The following CCDC9 variants were observed in gnomAD, a reference collection of about 807,000 sequenced individuals.
The protein encoded by CCDC9 is coiled-coil domain-containing protein 9.
A neutral mutation model predicts 65.6 loss-of-function variants in CCDC9; 52 were observed. That is an observed-to-expected ratio of 0.79 (90% CI 0.63 to 1.00). The LOEUF is 1.00. Among genes scored for constraint, CCDC9 ranks in the 50% least tolerant of loss-of-function variants. The pLI is 0.00. For synonymous variants in CCDC9, 332 were observed against 280.3 expected, an observed-to-expected ratio of 1.18 and a Z score of -1.84; for missense variants, 834 against 757.2, an observed-to-expected ratio of 1.10 and a Z score of -1.19.
Position 47,271,473 on chromosome 19 carries a change from A to C in CCDC9, c.1391A>C (p.Glu464Ala). The change falls in exon 12 of 12, where the codon GAG becomes GCG. Residue 464 changes from glutamate to alanine, a missense_variant. Physicochemically the swap from Glu to Ala is moderately radical, Grantham distance 107. Transcript: ENST00000221922. ...GCCCCCACCGGGATCCCCTGCAGTG[A>C]GCAGGCCCACGGAGTCCCCTTCAGT... ...EAAPTGIPCS[E>A]QAHGVPFSPE... The C allele has an allele frequency of 6.2e-7, 1 of 1,613,264 alleles. No individual in the cohort carries two copies. Among genetic ancestry groups the C allele is most frequent in the Non-Finnish European group, 8.5e-7 (1 of 1,179,782 alleles).
At position 47,264,893 on chromosome 19, in the gene CCDC9, TG is replaced by T; in HGVS notation, c.674del (p.Gly225AlafsTer28). The part of the protein sequence containing the change: ...REESRRHGRN[W>X]GGPDFERVRC... The stretch of plus-strand genomic sequence containing the variant: ...GGAGAGCCGCCGGCACGGCCGCAAC[TG>T]GGGGGGCCCCGACTTCGAGCGGGTG... On this transcript the variant is annotated frameshift_variant, in exon 7 of 12. Transcript: ENST00000221922. LOFTEE classifies it high-confidence loss of function. The T allele has an allele frequency of 7.5e-6, 11 of 1,472,248 alleles. No individual in the cohort carries two copies. The highest frequency in any genetic ancestry group is 1.4e-5 in the South Asian group (1 of 70,728). 91.2% of individuals were successfully genotyped at this position (1,472,248 alleles called of 1,614,324 possible).
chr19:47,264,889 C>G lies in CCDC9; in HGVS notation c.663C>G (p.Arg221=). Residue 221 remains arginine (R), a synonymous_variant, in exon 7 of 12, where the codon CGC becomes CGG. Coordinates refer to ENST00000221922, the MANE Select transcript of CCDC9 (RefSeq NM_015603.3). The part of the protein sequence containing the change: ...DRREESRRHG[R]NWGGPDFERV... ...GGGAGGAGAGCCGCCGGCACGGCCG[C>G]AACTGGGGGGGCCCCGACTTCGAGC... is the stretch of plus-strand genomic sequence containing the variant. 1 of 1,474,392 alleles carries G rather than the reference C, an allele frequency of 6.8e-7. No homozygotes were observed. The highest frequency in any genetic ancestry group is 9.0e-7 in the Non-Finnish European group (1 of 1,114,856). The allele number at this position is 1,474,392 out of a possible 1,614,324, so 91.3% of individuals were successfully genotyped here. A position where few individuals can be genotyped will look rare whatever the true frequency, so the allele number is the denominator to read the frequency against.
At position 47,271,737 on chromosome 19, in the gene CCDC9, GCGCGCGC is replaced by G. The variant is rs2059124488; in HGVS notation, c.*60_*66del. 68 of 216,994 alleles carry G rather than the reference GCGCGCGC, an allele frequency of 3.1e-4. No homozygotes were observed. In the South Asian group the frequency reaches 0.011, roughly 35 times the overall value. 13.4% of individuals were successfully genotyped at this position (216,994 alleles called of 1,614,324 possible). On this transcript the variant is annotated 3_prime_UTR_variant, in exon 12 of 12. Transcript: ENST00000221922. ...TGTGTGTGTGTGTGTGTGTGTGCGC[GCGCGCGC>G]GCGCGCGCGCGCGCGCTAGAGGGGT...
At chr19:47,275,265 C>CGCT, downstream of CCDC9, 1 of 1,542,564 alleles carries the variant, frequency 6.5e-7, no homozygotes, top group Non-Finnish European at 8.7e-7. Context: ...CCGCCGCCGC[C>CGCT]GCTACAGCGA....
chr19:47,273,821 C>T (rs1056689020), downstream of CCDC9: 14 of 287,178 alleles, frequency 4.9e-5, no homozygotes, highest in Non-Finnish European at 7.3e-5. Context: ...GTATTAAACG[C>T]AGTGCTTCCG....
chr19:47,271,755 G>GCA lies in CCDC9; in HGVS notation c.*78_*79insAC, dbSNP rs2059125191. Reference sequence around the variant, plus strand: ...TGTGCGCGCGCGCGCGCGCGCGCGCGCGCGCTAGAGGGGTGTGGCTGGTGG... The same window carrying GCA: ...TGTGCGCGCGCGCGCGCGCGCGCGCGCACGCGCTAGAGGGGTGTGGCTGGTGG... On this transcript the variant is annotated 3_prime_UTR_variant, in exon 12 of 12. Coordinates refer to ENST00000221922, the MANE Select transcript of CCDC9 (RefSeq NM_015603.3). The GCA allele has an allele frequency of 1.5e-6, 2 of 1,363,310 alleles. No individual in the cohort carries two copies. Among genetic ancestry groups the GCA allele is most frequent in the Non-Finnish European group, 1.9e-6 (2 of 1,036,948 alleles). The allele number at this position is 1,363,310 out of a possible 1,614,324, so 84.5% of individuals were successfully genotyped here.
intron 3 of CCDC9, 94 bp from the exon 4 acceptor site, chr19:47,260,227 G>T (rs1848644680): frequency 2.3e-6 from 2 of 866,950 alleles, no homozygotes; most frequent in Non-Finnish European, 3.7e-6. Flanking sequence ...AGAGGCCTGG[G>T]CTGGGGCCAG....
chr19:47,270,135 A>C (rs1464916289), intron 8 of CCDC9, among the ~76,000 whole-genome samples: 1 of 151,722 alleles, frequency 6.6e-6, no homozygotes, highest in East Asian at 1.9e-4. Context: ...CGCCCAGCTA[A>C]TTTTTGTATT....
downstream of CCDC9, chr19:47,275,194 C>A: frequency 6.7e-7 from 1 of 1,501,204 alleles, no homozygotes. Flanking sequence ...GCCGCTGCCT[C>A]CCTCTCCTGC....
chr19:47,270,526 C>T, intron 9 of CCDC9, 27 bp from the exon 10 acceptor site: 2 of 1,614,170 alleles, frequency 1.2e-6, no homozygotes, highest in Non-Finnish European at 1.7e-6. Context: ...ACCTTCCCTT[C>T]CCAATGACAC....
rs1034930202 is a variant in CCDC9, at chr19:47,260,601, G to T, written c.224G>T (p.Gly75Val). ...CCCCTCTTCCAGGAGAAGAACCTGG[G>T]TCCTTCCCGGAGGTCTCCTGGGACC... ...NVAVESEKNLGPSRRSPGTPR... is the reference protein window; with the variant it reads ...NVAVESEKNLVPSRRSPGTPR... Residue 75 changes from glycine to valine, a missense_variant, in exon 5 of 12, where the codon GGT becomes GTT. Transcript: ENST00000221922. The T allele has an allele frequency of 6.5e-7, 1 of 1,528,488 alleles. No homozygotes were observed. 94.7% of individuals were successfully genotyped at this position (1,528,488 alleles called of 1,614,324 possible).
chr19:47,265,075 T>TC, intron 7 of CCDC9, 129 bp downstream of exon 7: 1 of 725,650 alleles, frequency 1.4e-6, no homozygotes, highest in Non-Finnish European at 1.9e-6. Context: ...TTTTTTTTTT[T>TC]GAGACGGATT....
Position 47,266,609 on chromosome 19 carries a change from AG to A in CCDC9, c.722del. The A allele has an allele frequency of 6.6e-7, 1 of 1,524,542 alleles. No individual in the cohort carries two copies. Among genetic ancestry groups the A allele is most frequent in the Non-Finnish European group, 8.9e-7 (1 of 1,129,932 alleles). The allele number at this position is 1,524,542 out of a possible 1,614,324, so 94.4% of individuals were successfully genotyped here. On this transcript the variant is annotated splice_acceptor_variant, in intron 7 of 11. Transcript: ENST00000221922. LOFTEE classifies it high-confidence loss of function. ...CCTGACTCCCTGTGGGCTGGGGGGC[AG>A]GGCCGCCGAGCTGGCCTGGGCAGTG... is the stretch of plus-strand genomic sequence containing the variant.
chr19:47,258,308 CT>C (rs1252914289), intron 1 of CCDC9, 21 bp from the exon 2 acceptor site: 45 of 1,438,208 alleles, frequency 3.1e-5, no homozygotes, highest in South Asian at 4.6e-5. Flanking sequence ...GGCCTTTGTC[CT>C]TTTTTTCCCT....
chr19:47,272,224 G>C (rs541701308), downstream of CCDC9: 4 of 1,116,682 alleles, frequency 3.6e-6, no homozygotes, highest in East Asian at 3.2e-5. Flanking sequence ...GGGCTGAGGG[G>C]CAGAGGGCTT....
intron 7 of CCDC9, among the ~76,000 whole-genome samples, chr19:47,265,211 C>T (rs1419646709): frequency 6.6e-6 from 1 of 152,118 alleles, no homozygotes; most frequent in African/African-American, 2.4e-5. Flanking sequence ...AGTGCCACCA[C>T]ACCTGGCTAA....
At chr19:47,257,271 C>T (rs2059016572) in intron 1 of CCDC9, among the ~76,000 whole-genome samples, 1 of 148,836 alleles carries the variant, frequency 6.7e-6, no homozygotes, top group South Asian at 2.1e-4. Context: ...GGAGGCGGGG[C>T]CAGAGGGTTG....
intron 5 of CCDC9, 35 bp downstream of exon 5, chr19:47,260,874 G>A (rs773888980): frequency 1.3e-6 from 2 of 1,587,654 alleles, no homozygotes; most frequent in South Asian, 2.3e-5. Context: ...CCCTGGCTGA[G>A]GTTCTCTGTT....
chr19:47,258,500 A>G (rs1157970081), intron 2 of CCDC9, 59 bp from the exon 3 acceptor site: 1 of 1,603,980 alleles, frequency 6.2e-7, no homozygotes, highest in East Asian at 2.2e-5. Flanking sequence ...CCCTGGGGGA[A>G]AGTCCCTGGT....
Sources: allele counts gnomAD v4.1 joint callset (sites outside exome capture counted in the v4.1 genomes callset), GRCh38; gene constraint gnomAD v4.1.1; transcripts MANE v1.5; gene names NCBI Gene and HGNC (gene_info 2026-07-23, HGNC 2026-07-21).